Variants in AOPEP observed in about 807,000 individuals in gnomAD.
AOPEP encodes aminopeptidase O (putative).
A neutral mutation model predicts 98.1 loss-of-function variants in AOPEP; 77 were observed. The ratio of observed to expected loss-of-function variants is 0.78; its 90% CI spans 0.65 to 0.95. AOPEP has a LOEUF of 0.95. Ranked by LOEUF, AOPEP falls within the 40% of genes least tolerant of loss-of-function variation. The pLI, the probability that AOPEP is intolerant of heterozygous loss-of-function variation, is 0.00. For synonymous variants in AOPEP, 346 were observed against 365.3 expected, an observed-to-expected ratio of 0.95 and a Z score of 0.60; for missense variants, 1,024 against 1,024.7, an observed-to-expected ratio of 1.00 and a Z score of 0.01.
chr9:94,797,259 C>T (rs1227303740), intron 4 of AOPEP, among the ~76,000 whole-genome samples: 1 of 152,082 alleles, frequency 6.6e-6, no homozygotes, highest in Non-Finnish European at 1.5e-5. Flanking sequence ...TGGTGAAACC[C>T]CGTCTCTACT....
chr9:94,836,646 G>A (rs1355923101), intron 5 of AOPEP, among the ~76,000 whole-genome samples: 4 of 152,124 alleles, frequency 2.6e-5, no homozygotes, highest in Non-Finnish European at 5.9e-5. Context: ...CCAGCCTGTA[G>A]CTTGCCTTTT....
Position 94,869,944 on chromosome 9 carries a change from C to T in AOPEP, c.1365-54042C>T, listed in dbSNP as rs117130939. ...CATGATTGGGCACTTCGTCCTCAGG[C>T]AGGAGAGGGAGGAATAGAAGCCATG... On this transcript the variant is annotated intron_variant, in intron 5 of 16. Coordinates refer to ENST00000375315, the MANE Select transcript of AOPEP (RefSeq NM_001193329.3). Among the ~76,000 whole-genome samples, 434 of 147,022 alleles carry T rather than the reference C, an allele frequency of 3.0e-3. 1 individual carries two copies. The highest frequency in any genetic ancestry group is 7.1e-3 in the Middle Eastern group (2 of 280).
chr9:94,921,087 AC>A, intron 5 of AOPEP: 1 of 151,092 alleles, frequency 6.6e-6, no homozygotes, highest in Non-Finnish European at 1.5e-5. Context: ...AAAAAAAAAG[AC>A]AAGAAAGAAA....
chr9:95,095,492 C>A, the AOPEP span, among the ~76,000 whole-genome samples: 5 of 152,300 alleles, frequency 3.3e-5, no homozygotes, highest in East Asian at 9.6e-4. Context: ...TTAGGAAATT[C>A]GCTTTTTTCA....
the AOPEP span, among the ~76,000 whole-genome samples, chr9:95,134,485 C>T: frequency 6.6e-6 from 1 of 152,108 alleles, no homozygotes. Context: ...TCTCCACTTG[C>T]AGGAAGCAGG....
At chr9:95,043,815 C>T (rs578162263) in intron 13 of AOPEP, among the ~76,000 whole-genome samples, 23 of 152,294 alleles carry the variant, frequency 1.5e-4, no homozygotes, top group Admixed American at 1.4e-3. Flanking sequence ...CAGGCGCATG[C>T]CACCATGCCT....
intron 9 of AOPEP, among the ~76,000 whole-genome samples, chr9:94,961,375 T>C (rs1403442792): frequency 6.6e-6 from 1 of 152,242 alleles, no homozygotes; most frequent in Non-Finnish European, 1.5e-5. Flanking sequence ...CATTGTATTT[T>C]TGAATTCGTT....
chr9:94,730,219 G>A (rs970508329), intron 1 of AOPEP, among the ~76,000 whole-genome samples: 3 of 151,188 alleles, frequency 2.0e-5, no homozygotes, highest in African/African-American at 7.3e-5. Flanking sequence ...GTGAGGCGGA[G>A]CTTGTAGTGA....
intron 5 of AOPEP, among the ~76,000 whole-genome samples, chr9:94,815,165 A>C (rs1851426923): frequency 1.3e-5 from 2 of 152,154 alleles, no homozygotes; most frequent in African/African-American, 2.4e-5. Flanking sequence ...GCCAAAAAGG[A>C]GGGCCCCCCA....
chr9:94,778,500 A>G (rs576876142), intron 3 of AOPEP, among the ~76,000 whole-genome samples: 10 of 152,128 alleles, frequency 6.6e-5, no homozygotes, highest in Non-Finnish European at 1.3e-4. Context: ...TCTCACAAAC[A>G]TTATGCTGAG....
chr9:94,992,753 C>T (rs967426674), intron 11 of AOPEP, among the ~76,000 whole-genome samples: 6 of 152,196 alleles, frequency 3.9e-5, no homozygotes, highest in African/African-American at 9.7e-5. Context: ...GGGCTGCGTC[C>T]GGTGCCGTGC....
chr9:94,838,906 A>ATTTTTT (rs1239961626), intron 5 of AOPEP, among the ~76,000 whole-genome samples: 1 of 79,420 alleles, frequency 1.3e-5, no homozygotes, highest in East Asian at 4.0e-4. Context: ...TATAAATGCT[A>ATTTTTT]TTCTTTTTTT....
At chr9:95,050,475 C>G (rs1305949012) in intron 13 of AOPEP, among the ~76,000 whole-genome samples, 1 of 152,198 alleles carries the variant, frequency 6.6e-6, no homozygotes, top group Admixed American at 6.5e-5. Context: ...AAATGTGACT[C>G]CTATGCCTTG....
At chr9:95,002,240 T>C (rs1303301089) in intron 11 of AOPEP, among the ~76,000 whole-genome samples, 1 of 152,220 alleles carries the variant, frequency 6.6e-6, no homozygotes, top group East Asian at 1.9e-4. Context: ...CTTGAAATTT[T>C]AGGTGTCCTT....
chr9:94,950,464 C>T (rs149012392), intron 7 of AOPEP, among the ~76,000 whole-genome samples: 95 of 152,262 alleles, frequency 6.2e-4, no homozygotes, highest in African/African-American at 1.3e-3. Context: ...GACTTGGGTC[C>T]AAGCCCTCAC....
At chr9:95,137,948 G>A in the AOPEP span, among the ~76,000 whole-genome samples, 1 of 152,276 alleles carries the variant, frequency 6.6e-6, no homozygotes, top group African/African-American at 2.4e-5. Context: ...CAGGACTTCA[G>A]AGGACTGGCG....
chr9:94,886,638 T>C (rs1372102281), intron 5 of AOPEP, among the ~76,000 whole-genome samples: 1 of 152,182 alleles, frequency 6.6e-6, no homozygotes, highest in African/African-American at 2.4e-5. Flanking sequence ...TTAGAAAAAG[T>C]GTTTAGACTG....
At chr9:95,149,889 C>A in the AOPEP span, 1 of 1,567,354 alleles carries the variant, frequency 6.4e-7, no homozygotes, top group Admixed American at 1.9e-5. Context: ...AAAGGAAAAA[C>A]GACGCAGGAT....
chr9:95,117,372 T>C, the AOPEP span: 2 of 1,613,832 alleles, frequency 1.2e-6, no homozygotes, highest in African/African-American at 1.3e-5. Context: ...GGAAAGTAGG[T>C]CTTGAGTGCA....
Sources: gnomAD v4.1 joint callset for allele counts (sites outside exome capture counted in the v4.1 genomes callset) on GRCh38, gnomAD v4.1.1 for gene constraint, MANE v1.5 for transcripts, NCBI Gene and HGNC (gene_info 2026-07-23, HGNC 2026-07-21) for gene names.